Variants in TTC6 observed in about 807,000 individuals in gnomAD.
The protein encoded by TTC6 is tetratricopeptide repeat protein 6.
A neutral mutation model predicts 210.4 loss-of-function variants in TTC6; 172 were observed. The observed-to-expected ratio is 0.82, with a 90% CI of 0.72 to 0.93. The LOEUF (loss-of-function observed/expected upper bound fraction) is 0.93. Among genes scored for constraint, TTC6 ranks in the 40% least tolerant of loss-of-function variants. The pLI is 0.00. For synonymous variants in TTC6, 804 were observed against 819.6 expected (o/e 0.98, Z 0.32); for missense variants, 2,414 against 2,318.1 (o/e 1.04, Z -0.85).
exon 27 of TTC6, chr14:37,823,946 T>C (rs371522192): frequency 1.2e-5 from 20 of 1,613,644 alleles, no homozygotes; most frequent in Non-Finnish European, 1.5e-5. Flanking sequence ...TAGTTTTGGC[T>C]ATAATTTGCA....
chr14:37,669,389 A>AATCAAT (rs1425763614), intron 1 of TTC6, among the ~76,000 whole-genome samples: 2 of 152,152 alleles, frequency 1.3e-5, no homozygotes, highest in Non-Finnish European at 2.9e-5. Context: ...AGGATCTCAA[A>AATCAAT]ATCAATCTAA....
chr14:37,840,855 G>A (rs2139059466), intron 29 of TTC6, among the ~76,000 whole-genome samples: 1 of 138,948 alleles, frequency 7.2e-6, no homozygotes, highest in East Asian at 2.2e-4. Context: ...TTTGGGGTAA[G>A]AGGCAGTGGG....
intron 8 of TTC6, 32 bp downstream of exon 10, chr14:37,736,042 G>T (rs1297527078): frequency 1.7e-6 from 2 of 1,143,634 alleles, no homozygotes; most frequent in Admixed American, 2.1e-5. Flanking sequence ...AATTAGGATT[G>T]TTTACTCTAT....
At chr14:37,834,487 TATTG>T (rs1228835000) in intron 29 of TTC6, among the ~76,000 whole-genome samples, 1 of 152,194 alleles carries the variant, frequency 6.6e-6, no homozygotes, top group Non-Finnish European at 1.5e-5. Flanking sequence ...TTGTATTTTT[TATTG>T]CATTCATTGA....
chr14:37,672,821 A>ATTTTTTTTTTTTTTT (rs377117749), intron 1 of TTC6, among the ~76,000 whole-genome samples: 9 of 129,018 alleles, frequency 7.0e-5, no homozygotes, highest in African/African-American at 2.8e-4. Context: ...TGAATTCCTC[A>ATTTTTTTTTTTTTTT]TTTTTTTTTT....
At chr14:37,620,264 C>T (rs945115530), upstream of TTC6, among the ~76,000 whole-genome samples, 2 of 152,038 alleles carry the variant, frequency 1.3e-5, no homozygotes, top group Non-Finnish European at 1.5e-5. Context: ...TATTAGAGTT[C>T]TAGTGTCTGT....
intron 10 of TTC6, among the ~76,000 whole-genome samples, chr14:37,746,840 A>G (rs971449336): frequency 6.6e-6 from 1 of 152,164 alleles, no homozygotes; most frequent in Admixed American, 6.5e-5. Context: ...GGGGTATCTG[A>G]CAATTCCTCA....
At chr14:37,670,412 A>G (rs1016883662) in intron 1 of TTC6, among the ~76,000 whole-genome samples, 1 of 150,450 alleles carries the variant, frequency 6.6e-6, no homozygotes, top group African/African-American at 2.4e-5. Context: ...ACTATTACAC[A>G]GTATGTTTTG....
chr14:37,813,290 C>T, intron 25 of TTC6, among the ~76,000 whole-genome samples: 1 of 152,104 alleles, frequency 6.6e-6, no homozygotes, highest in African/African-American at 2.4e-5. Context: ...TACCTTTAAG[C>T]TTTTTGATAT....
chr14:37,780,493 A>C (rs1396100744), intron 14 of TTC6, among the ~76,000 whole-genome samples: 1 of 152,196 alleles, frequency 6.6e-6, no homozygotes, highest in Non-Finnish European at 1.5e-5. Flanking sequence ...AAGTGAGAAC[A>C]TGCAGTGTTC....
chr14:37,738,915 A>G, exon 10 of TTC6: 2 of 1,535,478 alleles, frequency 1.3e-6, no homozygotes, highest in Non-Finnish European at 8.7e-7. Flanking sequence ...CTCACTAAGC[A>G]AAATAAAACT....
intron 29 of TTC6, among the ~76,000 whole-genome samples, chr14:37,828,528 A>G (rs2096177502): frequency 4.6e-5 from 7 of 152,184 alleles, no homozygotes; most frequent in Admixed American, 3.9e-4. Context: ...ACCATTTTTA[A>G]GTGTACATTT....
intron 14 of TTC6, among the ~76,000 whole-genome samples, chr14:37,774,584 G>A (rs2096031278): frequency 6.6e-6 from 1 of 152,174 alleles, no homozygotes; most frequent in African/African-American, 2.4e-5. Flanking sequence ...CAGGGATAAA[G>A]CCTACTTGCT....
At chr14:37,803,934 A>T (rs1432165981) in intron 20 of TTC6, among the ~76,000 whole-genome samples, 1 of 152,188 alleles carries the variant, frequency 6.6e-6, no homozygotes, top group Non-Finnish European at 1.5e-5. Context: ...GCAATTTAAG[A>T]CAATTAAGAA....
chr14:37,759,626 C>G (rs550261575), intron 14 of TTC6, among the ~76,000 whole-genome samples: 1 of 152,284 alleles, frequency 6.6e-6, no homozygotes, highest in South Asian at 2.1e-4. Context: ...CCTGTTACTT[C>G]CAGGTATACC....
downstream of TTC6, chr14:37,842,471 C>A: frequency 2.1e-6 from 1 of 480,790 alleles, no homozygotes; most frequent in Non-Finnish European, 3.2e-6. Context: ...AAACATATAT[C>A]ATTTGCTGCA....
intron 24 of TTC6, among the ~76,000 whole-genome samples, chr14:37,809,633 C>T (rs2096125750): frequency 6.6e-6 from 1 of 152,108 alleles, no homozygotes; most frequent in African/African-American, 2.4e-5. Context: ...ACACATGTAG[C>T]AGGGAGGATG....
rs574924259 is a variant in TTC6 at position 37,776,267 on chromosome 14, A to C, written c.3267-11201A>C. Among the ~76,000 whole-genome samples, 47 of 152,026 alleles carry C rather than the reference A, an allele frequency of 3.1e-4. No individual in the cohort carries two copies. In the South Asian group the frequency reaches 7.3e-3, roughly 24 times the overall value. ...GGGTTTGGGTCTTGATTCTTTATTC[A>C]TCTTGCCACTGTATGCCTTTTCATT... On this transcript the variant is annotated intron_variant, in intron 14 of 30. Coordinates refer to ENST00000553443, the Ensembl canonical transcript of TTC6.
chr14:37,796,764 G>A, intron 19 of TTC6, 23 bp from the exon 22 acceptor site: 1 of 1,585,580 alleles, frequency 6.3e-7, no homozygotes, highest in Non-Finnish European at 8.5e-7. Context: ...CAAAGATATT[G>A]ATAAACTTTC....
Sources: allele counts gnomAD v4.1 joint callset (sites outside exome capture counted in the v4.1 genomes callset), GRCh38; gene constraint gnomAD v4.1.1; transcripts MANE v1.5; gene names NCBI Gene and HGNC (gene_info 2026-07-23, HGNC 2026-07-21).